Variants in COA1 observed in about 807,000 individuals in gnomAD.
COA1 encodes cytochrome c oxidase assembly factor 1.
COA1 carries 13 observed loss-of-function variants against 16.0 expected under a neutral mutation model. The observed-to-expected ratio is 0.81, with a 90% CI of 0.53 to 1.29. The LOEUF is 1.29. Ranked by LOEUF, COA1 falls within the 50% of genes most tolerant of loss-of-function variation. The probability of loss-of-function intolerance (pLI) is 0.00; values close to 1 mark genes in which losing one functional copy is unlikely to be tolerated. For missense variants in COA1, 179 were observed against 177.0 expected (o/e 1.01, Z -0.06); for synonymous variants, 65 against 65.7 (o/e 0.99, Z 0.05).
chr7:43,657,916 A>G (rs765545024), intron 1 of COA1, among the ~76,000 whole-genome samples: 8 of 152,176 alleles, frequency 5.3e-5, no homozygotes, highest in African/African-American at 1.2e-4. Context: ...GCTCAACATT[A>G]TATGTTTATT....
At position 43,691,265 on chromosome 7, in the gene COA1, AAAAGAAAGAAAG is replaced by A. The variant is rs775344819; in HGVS notation, c.-39+38152_-39+38163del. On this transcript the variant is annotated intron_variant, in intron 1 of 5. Coordinates refer to ENST00000223336, the MANE Select transcript of COA1 (RefSeq NM_018224.4). ...CCTTGACTCAAAAAAAGAAAGAAAG[AAAAGAAAGAAAG>A]AAAGAAAGAAAGAAAGAAAGAAAGA... Among the ~76,000 whole-genome samples, 372 of 45,762 alleles carry A rather than the reference AAAAGAAAGAAAG, an allele frequency of 8.1e-3. 4 individuals are homozygous for A. Among genetic ancestry groups the A allele is most frequent in the East Asian group, 0.011 (15 of 1,404 alleles). 30.0% of individuals were successfully genotyped at this position (45,762 alleles called of 152,430 possible).
At chr7:43,728,466 T>C (rs2095665507) in intron 1 of COA1, among the ~76,000 whole-genome samples, 3 of 152,228 alleles carry the variant, frequency 2.0e-5, no homozygotes, top group Admixed American at 2.0e-4. Context: ...GAGTAAACCA[T>C]ATAAAACTTT....
At chr7:43,632,242 G>T in intron 6 of COA1, 1 of 163,116 alleles carries the variant, frequency 6.1e-6, no homozygotes, top group Non-Finnish European at 1.3e-5. Flanking sequence ...GCTCGTCCAT[G>T]AGAAGGAACT....
chr7:43,689,542 A>G (rs1329526261), intron 1 of COA1, among the ~76,000 whole-genome samples: 1 of 152,234 alleles, frequency 6.6e-6, no homozygotes, highest in African/African-American at 2.4e-5. Flanking sequence ...CAAAAAATGA[A>G]GGCAAAATAA....
chr7:43,681,553 C>G (rs1289976726), intron 1 of COA1, among the ~76,000 whole-genome samples: 1 of 152,140 alleles, frequency 6.6e-6, no homozygotes, highest in African/African-American at 2.4e-5. Context: ...TGAAAATCAT[C>G]CTTGCAAAAA....
intron 1 of COA1, among the ~76,000 whole-genome samples, chr7:43,727,526 G>T (rs2095641175): frequency 6.6e-6 from 1 of 151,884 alleles, no homozygotes; most frequent in African/African-American, 2.4e-5. Context: ...AGATTAACCA[G>T]CAATAAAAAA....
In COA1 at chr7:43,639,355, AG is replaced by A. The variant is rs2086500871; in HGVS notation, c.*226del. The A allele has an allele frequency of 1.0e-5, 4 of 383,314 alleles. No individual in the cohort carries two copies. Among genetic ancestry groups the A allele is most frequent in the African/African-American group, 2.1e-5 (1 of 48,750 alleles). 23.7% of individuals were successfully genotyped at this position (383,314 alleles called of 1,614,324 possible). ...CATTACATTATCTTAAATTTATAATAGGAGTTTCTTTCGGATTCAGTTTAAA... is the reference window on the plus strand; with the variant it reads ...CATTACATTATCTTAAATTTATAATAGAGTTTCTTTCGGATTCAGTTTAAA... On this transcript the variant is annotated 3_prime_UTR_variant, in exon 6 of 6. Transcript: ENST00000223336.
chr7:43,647,347 G>A, intron 3 of COA1, 188 bp downstream of exon 3: 1 of 604,104 alleles, frequency 1.7e-6, no homozygotes, highest in Non-Finnish European at 3.0e-6. Context: ...TGTACTCGTT[G>A]CTCCTGGAAA....
intron 1 of COA1, among the ~76,000 whole-genome samples, chr7:43,677,027 G>C (rs79042103): frequency 6.6e-6 from 1 of 152,162 alleles, no homozygotes; most frequent in East Asian, 1.9e-4. Flanking sequence ...CCTTGGGGTG[G>C]GTCTCTTCAT....
chr7:43,669,217 T>A (rs1421541498), intron 1 of COA1, among the ~76,000 whole-genome samples: 1 of 152,140 alleles, frequency 6.6e-6, no homozygotes, highest in Non-Finnish European at 1.5e-5. Flanking sequence ...GGGGGGATGT[T>A]ATAGGAGTTT....
chr7:43,672,612 A>C (rs935067697), intron 1 of COA1, among the ~76,000 whole-genome samples: 14 of 152,088 alleles, frequency 9.2e-5, no homozygotes, highest in East Asian at 5.8e-4. Context: ...TCTACTAAAA[A>C]TACAAAAATT....
rs569566836 is a variant in COA1 at position 43,623,696 on chromosome 7, C to G, written c.*134-14201G>C. On this transcript the variant is annotated intron_variant and NMD_transcript_variant, in intron 6 of 6. Transcript: ENST00000415076. ...TGGTACTAAATTTTTCTTGCATTTT[C>G]TTTCTAATTTAGGAGCATTGGAGTG... 28 of 1,600,538 alleles carry G rather than the reference C, an allele frequency of 1.7e-5. 1 individual carries two copies. In the South Asian group the frequency reaches 2.9e-4, roughly 16 times the overall value.
intron 1 of COA1, among the ~76,000 whole-genome samples, chr7:43,653,806 T>C (rs1412992444): frequency 6.6e-6 from 1 of 152,134 alleles, no homozygotes; most frequent in African/African-American, 2.4e-5. Flanking sequence ...AGACCAAGAC[T>C]GCCTGGAGAG....
intron 1 of COA1, 136 bp from the exon 2 acceptor site, chr7:43,648,788 C>T (rs750549356): frequency 2.3e-5 from 15 of 646,250 alleles, no homozygotes; most frequent in Non-Finnish European, 3.6e-5. Context: ...CTAAAACAAG[C>T]CTTGTCTGTG....
chr7:43,686,410 C>T (rs2094032415), intron 1 of COA1, among the ~76,000 whole-genome samples: 2 of 151,302 alleles, frequency 1.3e-5, no homozygotes, highest in African/African-American at 4.8e-5. Context: ...GGGTTCACGC[C>T]ATTCTCCTGC....
At chr7:43,708,199 G>A (rs530639655) in intron 1 of COA1, among the ~76,000 whole-genome samples, 3 of 152,084 alleles carry the variant, frequency 2.0e-5, no homozygotes, top group South Asian at 2.1e-4. Flanking sequence ...GCAACACTCC[G>A]TCTCAAAAAA....
downstream of COA1, among the ~76,000 whole-genome samples, chr7:43,638,212 A>ATGTT (rs1363212478): frequency 7.3e-6 from 1 of 137,152 alleles, no homozygotes; most frequent in Non-Finnish European, 1.5e-5. Flanking sequence ...CTCTACTAGC[A>ATGTT]TGTTTAAGCT....
chr7:43,647,869 GC>G, intron 2 of COA1: 2 of 524,402 alleles, frequency 3.8e-6, no homozygotes, highest in Admixed American at 3.3e-5. Context: ...TGCTGTGGGG[GC>G]CCTGCCACCC....
At chr7:43,692,303 A>G (rs2094397033) in intron 1 of COA1, among the ~76,000 whole-genome samples, 1 of 152,144 alleles carries the variant, frequency 6.6e-6, no homozygotes, top group African/African-American at 2.4e-5. Context: ...CAGATCACTT[A>G]AGACCAGGAG....
Sources: gnomAD v4.1 joint callset for allele counts (sites outside exome capture counted in the v4.1 genomes callset) on GRCh38, gnomAD v4.1.1 for gene constraint, MANE v1.5 for transcripts, NCBI Gene and HGNC (gene_info 2026-07-23, HGNC 2026-07-21) for gene names.